C2orf76: variants seen among roughly 807,000 people sequenced by gnomAD.
The protein encoded by C2orf76 is UPF0538 protein C2orf76.
A neutral mutation model predicts 16.9 loss-of-function variants in C2orf76; 23 were observed. That is an observed-to-expected ratio of 1.36 (90% CI 0.98 to 1.93). The LOEUF is 1.93. Ranked by LOEUF, C2orf76 falls within the 30% of genes most tolerant of loss-of-function variation. The pLI is 0.00. For missense variants in C2orf76, 152 were observed against 152.6 expected (o/e 1.00, Z 0.02); for synonymous variants, 48 against 52.3 (o/e 0.92, Z 0.35).
At chr2:119,360,304 C>T (rs941625212) in intron 1 of C2orf76, among the ~76,000 whole-genome samples, 11 of 151,802 alleles carry the variant, frequency 7.2e-5, no homozygotes, top group Non-Finnish European at 1.2e-4. Context: ...ATGGTGAAAC[C>T]CCGTCTCTAC....
chr2:119,354,282 G>A lies in C2orf76; in HGVS notation c.-13+12508C>T, dbSNP rs183795124. ...CCCAGCACTTTGAGAGGCTGAGGAA[G>A]GCAGATCACTGACGGATCACTTGAG... On this transcript the variant is annotated intron_variant, in intron 1 of 5. Coordinates refer to ENST00000334816, the MANE Select transcript of C2orf76 (RefSeq NM_001322331.2). Among the ~76,000 whole-genome samples the A allele has an allele frequency of 1.7e-3, 266 of 152,312 alleles. 1 individual carries two copies. The highest frequency in any genetic ancestry group is 5.8e-3 in the African/African-American group (241 of 41,560).
chr2:119,350,188 C>T (rs979976603), intron 1 of C2orf76, among the ~76,000 whole-genome samples: 2 of 151,122 alleles, frequency 1.3e-5, no homozygotes, highest in African/African-American at 2.4e-5. Flanking sequence ...CAATCTTGCA[C>T]TAGAGACACA....
intron 5 of C2orf76, among the ~76,000 whole-genome samples, chr2:119,303,892 G>A (rs1263589257): frequency 6.6e-6 from 1 of 152,064 alleles, no homozygotes; most frequent in Non-Finnish European, 1.5e-5. Flanking sequence ...GCCTGTGGGG[G>A]ATACAGCACA....
intron 1 of C2orf76, 128 bp from the exon 2 acceptor site, chr2:119,340,099 A>G: frequency 9.4e-7 from 1 of 1,066,598 alleles, no homozygotes; most frequent in Non-Finnish European, 1.3e-6. Context: ...TCACTGACAG[A>G]GTTCCCAAAC....
chr2:119,307,004 A>G (rs1420646815), intron 5 of C2orf76, among the ~76,000 whole-genome samples: 1 of 152,076 alleles, frequency 6.6e-6, no homozygotes, highest in Non-Finnish European at 1.5e-5. Flanking sequence ...TTCCCATGGC[A>G]ACTGGCTGTG....
At position 119,339,968 on chromosome 2, in the gene C2orf76, A is replaced by C. The variant is rs758989181; in HGVS notation, c.-9T>G. ...ACTTCTCCAGGAGCCATGTGAAGAA[A>C]TTCCTGTGGCAAGAGACATGAGAAC... On this transcript the variant is annotated 5_prime_UTR_variant, in exon 2 of 6. Transcript: ENST00000334816. 1 of 1,607,488 alleles carries C rather than the reference A, an allele frequency of 6.2e-7. No individual in the cohort carries two copies. Among genetic ancestry groups the C allele is most frequent in the Non-Finnish European group, 8.5e-7 (1 of 1,174,492 alleles).
At chr2:119,329,460 T>C (rs1208258837) in intron 2 of C2orf76, among the ~76,000 whole-genome samples, 1 of 152,224 alleles carries the variant, frequency 6.6e-6, no homozygotes, top group East Asian at 1.9e-4. Context: ...TATATGTCTG[T>C]CTTTTAATTG....
downstream of C2orf76, among the ~76,000 whole-genome samples, chr2:119,297,951 C>A (rs7355262): frequency 0.019 from 2,951 of 152,068 alleles, 92 homozygotes; most frequent in African/African-American, 0.066. Flanking sequence ...CTTTTGATTT[C>A]TATACATGTT....
intron 5 of C2orf76, chr2:119,311,035 T>C (rs188153531): frequency 2.6e-4 from 128 of 493,252 alleles, no homozygotes; most frequent in African/African-American, 2.5e-3. Flanking sequence ...TAGGTGTACA[T>C]ATACGTAGAA....
At chr2:119,297,317 TCTC>T (rs1355702596), downstream of C2orf76, among the ~76,000 whole-genome samples, 1 of 152,240 alleles carries the variant, frequency 6.6e-6, no homozygotes, top group Non-Finnish European at 1.5e-5. Context: ...AAATGAGACT[TCTC>T]AACCATCTTT....
the C2orf76 span, among the ~76,000 whole-genome samples, chr2:119,293,794 C>G: frequency 6.6e-6 from 1 of 152,138 alleles, no homozygotes; most frequent in African/African-American, 2.4e-5. Flanking sequence ...AGATATATAT[C>G]CAAGGTTTCT....
intron 2 of C2orf76, among the ~76,000 whole-genome samples, chr2:119,322,458 T>C (rs1325816791): frequency 1.3e-5 from 2 of 152,148 alleles, no homozygotes; most frequent in African/African-American, 4.8e-5. Flanking sequence ...TCTGCCCACC[T>C]TGGCCTCCCA....
At chr2:119,352,844 C>T (rs772131843) in intron 1 of C2orf76, among the ~76,000 whole-genome samples, 7 of 152,032 alleles carry the variant, frequency 4.6e-5, no homozygotes, top group Non-Finnish European at 7.4e-5. Context: ...TACATACCTA[C>T]GTATGTATGT....
chr2:119,312,634 T>C (rs1679032078), intron 4 of C2orf76, among the ~76,000 whole-genome samples: 2 of 152,312 alleles, frequency 1.3e-5, no homozygotes, highest in South Asian at 4.1e-4. Context: ...GTCACATTAA[T>C]TGGAATATTT....
At chr2:119,348,345 T>G (rs149707468) in intron 1 of C2orf76, among the ~76,000 whole-genome samples, 2 of 152,354 alleles carry the variant, frequency 1.3e-5, no homozygotes, top group African/African-American at 4.8e-5. Context: ...GTGATATGGA[T>G]GTATGGATAC....
At chr2:119,331,660 C>T (rs1258003529) in intron 2 of C2orf76, among the ~76,000 whole-genome samples, 1 of 152,178 alleles carries the variant, frequency 6.6e-6, no homozygotes, top group Non-Finnish European at 1.5e-5. Flanking sequence ...TCCCTCTCCC[C>T]GCCCTGTGGC....
chr2:119,309,599 T>A (rs1182732425), intron 5 of C2orf76, among the ~76,000 whole-genome samples: 1 of 151,958 alleles, frequency 6.6e-6, no homozygotes, highest in Non-Finnish European at 1.5e-5. Context: ...TTTGTATTTT[T>A]AGTGAAGATG....
intron 1 of C2orf76, 55 bp downstream of exon 1, chr2:119,366,735 A>C: frequency 3.8e-6 from 2 of 520,624 alleles, no homozygotes; most frequent in Non-Finnish European, 6.9e-6. Context: ...ACTGAACCCA[A>C]CTCTCGACCA....
chr2:119,301,918 T>TA (rs34452099), downstream of C2orf76, among the ~76,000 whole-genome samples: 867 of 138,858 alleles, frequency 6.2e-3, 4 homozygotes, highest in African/African-American at 7.5e-3. Context: ...TGCAATACTT[T>TA]AAAAAAAAAA....
Sources: allele counts gnomAD v4.1 joint callset (sites outside exome capture counted in the v4.1 genomes callset), GRCh38; gene constraint gnomAD v4.1.1; transcripts MANE v1.5; gene names NCBI Gene and HGNC (gene_info 2026-07-23, HGNC 2026-07-21).